TBX15: variants seen among roughly 807,000 people sequenced by gnomAD.
TBX15 encodes T-box transcription factor TBX15.
TBX15 carries 18 observed loss-of-function variants against 53.9 expected under a neutral mutation model. The observed-to-expected ratio is 0.33, with a 90% CI of 0.23 to 0.49. The LOEUF (loss-of-function observed/expected upper bound fraction) is 0.49. Among genes scored for constraint, TBX15 ranks in the 20% least tolerant of loss-of-function variants. The probability of loss-of-function intolerance (pLI) is 0.98; values close to 1 mark genes in which losing one functional copy is unlikely to be tolerated. For synonymous variants in TBX15, 295 were observed against 278.0 expected, an observed-to-expected ratio of 1.06 and a Z score of -0.61; for missense variants, 692 against 749.5, an observed-to-expected ratio of 0.92 and a Z score of 0.90.
intron 6 of TBX15, among the ~76,000 whole-genome samples, chr1:118,902,634 C>A (rs144173516): frequency 2.0e-5 from 3 of 152,118 alleles, no homozygotes; most frequent in South Asian, 2.1e-4. Context: ...TAGCTGATTG[C>A]GATTGTGCCT....
At chr1:118,905,325 C>T (rs1022447811) in intron 6 of TBX15, among the ~76,000 whole-genome samples, 5 of 152,150 alleles carry the variant, frequency 3.3e-5, no homozygotes, top group South Asian at 2.1e-4. Flanking sequence ...TCTCTCTGTT[C>T]GATGACACCA....
chr1:118,985,688 C>T (rs577232504), intron 1 of TBX15, among the ~76,000 whole-genome samples: 209 of 152,308 alleles, frequency 1.4e-3, no homozygotes, highest in Non-Finnish European at 1.7e-3. Flanking sequence ...TTTCTCTAAT[C>T]CAAATACCCA....
At chr1:118,963,286 T>C (rs1656937880) in intron 1 of TBX15, among the ~76,000 whole-genome samples, 1 of 152,224 alleles carries the variant, frequency 6.6e-6, no homozygotes, top group African/African-American at 2.4e-5. Flanking sequence ...TTATCTGAAC[T>C]ATTACTAACC....
At chr1:118,906,898 G>A (rs1654852612) in intron 6 of TBX15, among the ~76,000 whole-genome samples, 1 of 152,166 alleles carries the variant, frequency 6.6e-6, no homozygotes, top group African/African-American at 2.4e-5. Context: ...CATCCTGCAA[G>A]CCCTATTGTT....
intron 5 of TBX15, among the ~76,000 whole-genome samples, chr1:118,921,503 C>A (rs1387740066): frequency 6.6e-6 from 1 of 152,188 alleles, no homozygotes; most frequent in East Asian, 1.9e-4. Context: ...AAAGCACAGG[C>A]CAATTCCTCA....
At chr1:118,968,388 G>T (rs1269693922) in intron 1 of TBX15, among the ~76,000 whole-genome samples, 1 of 152,002 alleles carries the variant, frequency 6.6e-6, no homozygotes, top group Admixed American at 6.6e-5. Flanking sequence ...TGTATTTTTA[G>T]TAGAGATGGG....
At chr1:118,952,622 G>T (rs1656553146) in intron 1 of TBX15, among the ~76,000 whole-genome samples, 1 of 152,000 alleles carries the variant, frequency 6.6e-6, no homozygotes, top group Non-Finnish European at 1.5e-5. Context: ...TCCTTCTCCT[G>T]GGCAGTCTGC....
chr1:118,955,882 C>T (rs763608901), intron 1 of TBX15, among the ~76,000 whole-genome samples: 19 of 152,182 alleles, frequency 1.2e-4, no homozygotes, highest in African/African-American at 4.1e-4. Context: ...TCCTTCCAGG[C>T]AAGGTAAATG....
At chr1:118,939,687 T>TA (rs143726028) in intron 1 of TBX15, among the ~76,000 whole-genome samples, 19,337 of 151,532 alleles carry the variant, frequency 0.13, 1,741 homozygotes, top group Non-Finnish European at 0.18. Context: ...CCCCTAGATC[T>TA]AAAATAAAAG....
rs138270500 is a variant in TBX15 at position 118,939,609 on chromosome 1, G to A, written c.206-7777C>T. Among the ~76,000 whole-genome samples, 136 of 149,658 alleles carry A rather than the reference G, an allele frequency of 9.1e-4. 2 individuals are homozygous for A. The highest frequency in any genetic ancestry group is 3.0e-3 in the African/African-American group (116 of 39,218). On this transcript the variant is annotated intron_variant, in intron 1 of 7. Coordinates refer to ENST00000369429, the MANE Select transcript of TBX15 (RefSeq NM_001330677.2). ...ATAGGGTACTGTGCTCACTACCTGC[G>A]TGATGGGATTCATACCCTAAACCTC...
At chr1:118,976,641 C>G (rs1303490165) in intron 1 of TBX15, among the ~76,000 whole-genome samples, 1 of 152,176 alleles carries the variant, frequency 6.6e-6, no homozygotes, top group Non-Finnish European at 1.5e-5. Flanking sequence ...CTGCTCACCC[C>G]CTCTTCCTAC....
At chr1:118,961,807 G>A (rs886147047) in intron 1 of TBX15, among the ~76,000 whole-genome samples, 7 of 152,184 alleles carry the variant, frequency 4.6e-5, no homozygotes, top group African/African-American at 1.7e-4. Flanking sequence ...TGAGGGGAAT[G>A]CAAAGATGAT....
At chr1:118,914,214 T>C (rs1655114685) in intron 5 of TBX15, 35 bp from the exon 6 acceptor site, 2 of 1,584,522 alleles carry the variant, frequency 1.3e-6, no homozygotes, top group Admixed American at 1.7e-5. Flanking sequence ...ATTGCTTTTA[T>C]ATTAACTGAT....
chr1:118,968,514 G>A (rs146857216), intron 1 of TBX15, among the ~76,000 whole-genome samples: 21 of 152,230 alleles, frequency 1.4e-4, no homozygotes, highest in African/African-American at 4.1e-4. Context: ...GCCTAACATC[G>A]TCTGAGGAAT....
At chr1:118,941,926 G>A (rs115031015) in intron 1 of TBX15, among the ~76,000 whole-genome samples, 2,271 of 152,230 alleles carry the variant, frequency 0.015, 56 homozygotes, top group African/African-American at 0.052. Flanking sequence ...TGTAAAATGA[G>A]GATATCATTG....
chr1:118,967,088 A>T (rs1466726743), intron 1 of TBX15, among the ~76,000 whole-genome samples: 2 of 152,202 alleles, frequency 1.3e-5, no homozygotes, highest in African/African-American at 4.8e-5. Flanking sequence ...CAGACTCCTG[A>T]CCTATAGGAA....
chr1:118,918,238 A>G (rs536674062), intron 5 of TBX15, among the ~76,000 whole-genome samples: 82 of 152,270 alleles, frequency 5.4e-4, no homozygotes, highest in African/African-American at 1.8e-3. Context: ...TTGTATTTAC[A>G]TGTTTACTAA....
chr1:118,904,967 C>T (rs1654764507), intron 6 of TBX15, among the ~76,000 whole-genome samples: 1 of 152,108 alleles, frequency 6.6e-6, no homozygotes, highest in African/African-American at 2.4e-5. Flanking sequence ...CATAATACTT[C>T]CTCCTAACTG....
chr1:118,904,076 T>G (rs895265338), intron 6 of TBX15, among the ~76,000 whole-genome samples: 2 of 152,154 alleles, frequency 1.3e-5, no homozygotes, highest in African/African-American at 2.4e-5. Flanking sequence ...AGGCATGTTT[T>G]GGGGACATAG....
Sources: allele counts gnomAD v4.1 joint callset (sites outside exome capture counted in the v4.1 genomes callset), GRCh38; gene constraint gnomAD v4.1.1; transcripts MANE v1.5; gene names NCBI Gene and HGNC (gene_info 2026-07-23, HGNC 2026-07-21).